The following TMEM51 variants were observed in gnomAD, a reference collection of about 807,000 sequenced individuals.
The protein encoded by TMEM51 is chromosome 1 open reading frame 72.
Under a neutral mutation model 13.6 loss-of-function variants are expected in TMEM51, and 8 were observed. The observed-to-expected ratio is 0.59, with a 90% CI of 0.35 to 1.07. The LOEUF is 1.07. Among genes scored for constraint, TMEM51 ranks in the 50% least tolerant of loss-of-function variants. TMEM51 has a pLI of 0.02. For synonymous variants in TMEM51, 147 were observed against 144.4 expected, an observed-to-expected ratio of 1.02 and a Z score of -0.13; for missense variants, 279 against 330.7, an observed-to-expected ratio of 0.84 and a Z score of 1.21.
chr1:15,160,416 G>A (rs1035943320), intron 1 of TMEM51, among the ~76,000 whole-genome samples: 1 of 152,092 alleles, frequency 6.6e-6, no homozygotes, highest in Non-Finnish European at 1.5e-5. Context: ...TGGGATTACA[G>A]GTGCATGCCA....
intron 1 of TMEM51, chr1:15,192,877 C>A: frequency 6.1e-6 from 1 of 164,848 alleles, no homozygotes; most frequent in South Asian, 1.6e-4. Context: ...AAATGCTGCC[C>A]CACTCACAAA....
chr1:15,184,624 C>T (rs1221427113), intron 1 of TMEM51, among the ~76,000 whole-genome samples: 5 of 152,042 alleles, frequency 3.3e-5, no homozygotes, highest in Admixed American at 2.0e-4. Flanking sequence ...GTGACAGTGG[C>T]TTAGACAAAG....
intron 1 of TMEM51, among the ~76,000 whole-genome samples, chr1:15,181,327 G>A (rs1445298537): frequency 2.6e-5 from 4 of 152,222 alleles, no homozygotes; most frequent in Admixed American, 2.6e-4. Context: ...ACTGAGCTGG[G>A]TGGGGCTCCA....
chr1:15,212,778 C>T (rs1418327035), intron 2 of TMEM51, among the ~76,000 whole-genome samples: 2 of 152,260 alleles, frequency 1.3e-5, no homozygotes, highest in Admixed American at 1.3e-4. Context: ...CTGCACGCCA[C>T]ACACATGCCC....
chr1:15,170,562 A>G (rs1643225287), intron 1 of TMEM51, among the ~76,000 whole-genome samples: 2 of 151,832 alleles, frequency 1.3e-5, no homozygotes, highest in African/African-American at 4.8e-5. Context: ...TGCCCACCTC[A>G]GGCTCCCAAA....
chr1:15,214,269 A>G (rs1238498757), intron 2 of TMEM51, among the ~76,000 whole-genome samples: 1 of 152,110 alleles, frequency 6.6e-6, no homozygotes, highest in African/African-American at 2.4e-5. Context: ...CATCTGAGCT[A>G]TGGGTGACCA....
chr1:15,153,526 C>T (rs1421149802), upstream of TMEM51, among the ~76,000 whole-genome samples: 1 of 59,024 alleles, frequency 1.7e-5, no homozygotes, highest in African/African-American at 5.7e-5. Context: ...AGAACTTAGG[C>T]CCAGCCCCCG....
chr1:15,163,829 G>A (rs371017230), intron 1 of TMEM51, among the ~76,000 whole-genome samples: 5 of 131,726 alleles, frequency 3.8e-5, no homozygotes, highest in Non-Finnish European at 1.6e-5. Flanking sequence ...GCTTTTTTTG[G>A]GGGGGGGGAG....
chr1:15,156,299 T>A lies in TMEM51; in HGVS notation c.-267+2345T>A, dbSNP rs553774927. Among the ~76,000 whole-genome samples, 18 of 152,272 alleles carry A rather than the reference T, an allele frequency of 1.2e-4. No individual in the cohort carries two copies. In the South Asian group the frequency reaches 2.9e-3, roughly 25 times the overall value. ...CTGGAGGCAGAGGCCAGCTGGAGCTTCTGGGGCTCCCGTTTTAATAGGTTG... is the reference window on the plus strand; with the variant it reads ...CTGGAGGCAGAGGCCAGCTGGAGCTACTGGGGCTCCCGTTTTAATAGGTTG... On this transcript the variant is annotated intron_variant, in intron 1 of 3. Transcript: ENST00000376008.
rs770731193 is a variant in TMEM51, at chr1:15,215,153, G to T, written c.66G>T (p.Leu22=). The T allele has an allele frequency of 1.2e-6, 2 of 1,614,068 alleles. No individual in the cohort carries two copies. Among genetic ancestry groups the T allele is most frequent in the Admixed American group, 1.7e-5 (1 of 60,012 alleles). ...TGACCGCCATCGGCCTGGGGATGCT[G>T]GTCCTTGGGGTGATCATGGCCATGT... ...YALTAIGLGM[L]VLGVIMAMWN... Residue 22 remains leucine, a synonymous_variant, in exon 3 of 4, where the codon CTG becomes CTT. Transcript: ENST00000376008.
At chr1:15,166,924 A>G (rs1188117854) in intron 1 of TMEM51, among the ~76,000 whole-genome samples, 3 of 152,096 alleles carry the variant, frequency 2.0e-5, no homozygotes, top group Non-Finnish European at 4.4e-5. Context: ...ACCCCCCAGC[A>G]GCCACTGATC....
Position 15,161,101 on chromosome 1 carries a change from G to T in TMEM51, c.-267+7147G>T, listed in dbSNP as rs1405952742. On this transcript the variant is annotated intron_variant, in intron 1 of 3. Coordinates refer to ENST00000376008, the MANE Select transcript of TMEM51 (RefSeq NM_001136218.2). The surrounding 1 kb of genome is among the most constrained non-coding windows in gnomAD (Gnocchi z 4.0). Reference sequence around the variant, plus strand: ...GCAACTGCCTGTGCAAAGGCCTCAAGGTGTAAAAGAGCTTCGTTAACACAG... The same window carrying T: ...GCAACTGCCTGTGCAAAGGCCTCAATGTGTAAAAGAGCTTCGTTAACACAG... 1.3e-5 allele frequency among the ~76,000 whole-genome samples: 2 copies of T among 152,104 alleles called. No homozygotes were observed. The highest frequency in any genetic ancestry group is 2.9e-5 in the Non-Finnish European group (2 of 68,046).
chr1:15,189,913 C>T (rs779618444), intron 1 of TMEM51, among the ~76,000 whole-genome samples: 9 of 152,366 alleles, frequency 5.9e-5, no homozygotes, highest in South Asian at 2.1e-4. Flanking sequence ...GAGGCCCTTT[C>T]GGCATTCAGC....
chr1:15,182,036 C>T (rs1233727873), intron 1 of TMEM51, among the ~76,000 whole-genome samples: 1 of 152,012 alleles, frequency 6.6e-6, no homozygotes, highest in Non-Finnish European at 1.5e-5. Flanking sequence ...TGGTGTGCAC[C>T]TGTAATCCCA....
chr1:15,172,931 G>A (rs1025056490), intron 1 of TMEM51, among the ~76,000 whole-genome samples: 4 of 152,152 alleles, frequency 2.6e-5, no homozygotes, highest in Non-Finnish European at 5.9e-5. Flanking sequence ...TCGTCGTTAT[G>A]TGTAAGGTCG....
chr1:15,156,746 CAG>C (rs1224692155), intron 1 of TMEM51, among the ~76,000 whole-genome samples: 1 of 152,184 alleles, frequency 6.6e-6, no homozygotes, highest in African/African-American at 2.4e-5. Flanking sequence ...AAACAAAACT[CAG>C]AGAGGGGATG....
At chr1:15,210,713 C>T (rs1382258047) in intron 2 of TMEM51, among the ~76,000 whole-genome samples, 151 bp downstream of exon 2, 1 of 152,210 alleles carries the variant, frequency 6.6e-6, no homozygotes, top group Non-Finnish European at 1.5e-5. Flanking sequence ...GGACCCCAGA[C>T]TGCCCACCAA....
intron 1 of TMEM51, among the ~76,000 whole-genome samples, chr1:15,185,776 G>A (rs1283150984): frequency 1.3e-5 from 2 of 152,242 alleles, no homozygotes; most frequent in Non-Finnish European, 2.9e-5. Flanking sequence ...GCTGAACTGA[G>A]TGTCATCTTC....
chr1:15,173,058 C>A (rs918150863), intron 1 of TMEM51, among the ~76,000 whole-genome samples: 1 of 152,076 alleles, frequency 6.6e-6, no homozygotes, highest in Non-Finnish European at 1.5e-5. Flanking sequence ...GTTGTGGGAA[C>A]CGAATGAGGC....
Sources: gnomAD v4.1 joint callset for allele counts (sites outside exome capture counted in the v4.1 genomes callset) on GRCh38, gnomAD v4.1.1 for gene constraint, Gnocchi (gnomAD v3.1) non-coding constraint, MANE v1.5 for transcripts, NCBI Gene and HGNC (gene_info 2026-07-23, HGNC 2026-07-21) for gene names.